PGS1: variants seen among roughly 807,000 people sequenced by gnomAD.
PGS1 encodes CDP-diacylglycerol--glycerol-3-phosphate 3-phosphatidyltransferase, mitochondrial.
Under a neutral mutation model 58.3 loss-of-function variants are expected in PGS1, and 44 were observed. The ratio of observed to expected loss-of-function variants is 0.75; its 90% CI spans 0.59 to 0.97. The LOEUF (loss-of-function observed/expected upper bound fraction) is 0.97, where lower values mean the gene tolerates loss of function less well. Ranked by LOEUF, PGS1 falls within the 50% of genes least tolerant of loss-of-function variation. PGS1 has a pLI of 0.00. For missense variants in PGS1, 684 were observed against 731.1 expected (o/e 0.94, Z 0.74); for synonymous variants, 330 against 311.0 (o/e 1.06, Z -0.64).
intron 7 of PGS1, among the ~76,000 whole-genome samples, chr17:78,411,000 CG>C (rs1567991195): frequency 6.6e-6 from 1 of 152,124 alleles, no homozygotes; most frequent in African/African-American, 2.4e-5. Flanking sequence ...CTACAAATAT[CG>C]GAACGAGCTA....
intron 7 of PGS1, among the ~76,000 whole-genome samples, chr17:78,413,502 C>G (rs566202095): frequency 2.0e-5 from 3 of 152,272 alleles, no homozygotes; most frequent in Admixed American, 2.0e-4. Flanking sequence ...ATCACACCTG[C>G]TTGCTCTTGC....
intron 5 of PGS1, chr17:78,399,972 C>T: frequency 3.9e-6 from 1 of 256,518 alleles, no homozygotes; most frequent in South Asian, 4.4e-5. Flanking sequence ...GCAGTGGGGC[C>T]AGGATTGGGT....
intron 1 of PGS1, among the ~76,000 whole-genome samples, chr17:78,390,172 C>T (rs2082719412): frequency 6.6e-6 from 1 of 151,676 alleles, no homozygotes; most frequent in African/African-American, 2.4e-5. Context: ...GTTTCTGCTG[C>T]ACTGAAGGGT....
chr17:78,423,297 T>G (rs2086102012), intron 9 of PGS1, among the ~76,000 whole-genome samples: 1 of 152,008 alleles, frequency 6.6e-6, no homozygotes, highest in Non-Finnish European at 1.5e-5. Flanking sequence ...GTCCTACAGG[T>G]CCGGGGCTTG....
Position 78,424,325 on chromosome 17 carries a change from T to A in PGS1, c.*275T>A. Reference sequence around the variant, plus strand: ...GCAGAGGCCTTCGTAGGTGATGGCCTGCATGTTGTAACTACCCCGTCCCGC... The same window carrying A: ...GCAGAGGCCTTCGTAGGTGATGGCCAGCATGTTGTAACTACCCCGTCCCGC... On this transcript the variant is annotated 3_prime_UTR_variant, in exon 10 of 10. Coordinates refer to ENST00000262764, the MANE Select transcript of PGS1 (RefSeq NM_024419.5). The A allele has an allele frequency of 1.3e-6, 1 of 760,560 alleles. No individual in the cohort carries two copies. The highest frequency in any genetic ancestry group is 2.0e-5 in the South Asian group (1 of 48,908). 47.1% of individuals were successfully genotyped at this position (760,560 alleles called of 1,614,324 possible).
intron 2 of PGS1, among the ~76,000 whole-genome samples, chr17:78,393,381 G>A (rs963554838): frequency 1.3e-5 from 2 of 152,160 alleles, no homozygotes; most frequent in East Asian, 3.8e-4. Context: ...TCTTATGGGC[G>A]CACTGATTCC....
At position 78,424,054 on chromosome 17, in the gene PGS1, T is replaced by A; in HGVS notation, c.*11-7T>A. On this transcript the variant is annotated splice_region_variant and splice_polypyrimidine_tract_variant and intron_variant, in intron 9 of 9. Transcript: ENST00000262764. Reference sequence around the variant, plus strand: ...ATAGATGTTCTTGGTCTCCATGCGGTCCACAGGAATGGCCTTGATGAAGAT... The same window carrying A: ...ATAGATGTTCTTGGTCTCCATGCGGACCACAGGAATGGCCTTGATGAAGAT... 6.2e-6 allele frequency: 10 copies of A among 1,614,038 alleles called. No individual in the cohort carries two copies. Among genetic ancestry groups the A allele is most frequent in the Non-Finnish European group, 7.6e-6 (9 of 1,179,896 alleles).
intron 8 of PGS1, among the ~76,000 whole-genome samples, chr17:78,417,773 C>T (rs1408457721): frequency 6.6e-6 from 1 of 151,474 alleles, no homozygotes; most frequent in Non-Finnish European, 1.5e-5. Context: ...GCTGGAGACT[C>T]AGTGGAGGAG....
At chr17:78,381,625 T>C (rs988185776) in intron 1 of PGS1, among the ~76,000 whole-genome samples, 15 of 152,202 alleles carry the variant, frequency 9.9e-5, no homozygotes, top group African/African-American at 3.4e-4. Flanking sequence ...TCGCTGATCA[T>C]TGATTCATTG....
At chr17:78,386,092 A>T (rs1368954611) in intron 1 of PGS1, among the ~76,000 whole-genome samples, 1 of 152,192 alleles carries the variant, frequency 6.6e-6, no homozygotes, top group African/African-American at 2.4e-5. Flanking sequence ...TTGCCTGCAG[A>T]TTCCACGGGA....
chr17:78,392,653 C>T lies in PGS1; in HGVS notation c.321C>T (p.Phe107=), dbSNP rs775339034. The T allele has an allele frequency of 1.6e-5, 26 of 1,613,624 alleles. No individual in the cohort carries two copies. The highest frequency in any genetic ancestry group is 1.5e-4 in the Admixed American group (9 of 59,928). Residue 107 remains phenylalanine (F), a synonymous_variant, in exon 2 of 10, where the codon TTC becomes TTT. Transcript: ENST00000262764. ...TGCTTTCTTCCCCGGCAGAGTTTTTCGAGCTCATGAAGGTAAGTGGTATCT... is the reference window on the plus strand; with the variant it reads ...TGCTTTCTTCCCCGGCAGAGTTTTTTGAGCTCATGAAGGTAAGTGGTATCT... ...VRVLSSPAEF[F]ELMKGQIRVA... is the part of the protein sequence containing the mutation.
rs372825702 is a variant in PGS1 at position 78,403,779 on chromosome 17, C to A, written c.1092C>A (p.Ile364=). Residue 364 remains isoleucine, a synonymous_variant, in exon 7 of 10, where the codon ATC becomes ATA. Transcript: ENST00000262764. ...AGATGAAGCCCTTCGAGATTCAAATCGATGAGATTGTCACTGAGACCCTGT... is the reference window on the plus strand; with the variant it reads ...AGATGAAGCCCTTCGAGATTCAAATAGATGAGATTGTCACTGAGACCCTGT... ...LIQMKPFEIQ[I]DEIVTETLLT... is the part of the protein sequence containing the mutation. The A allele has an allele frequency of 9.9e-6, 16 of 1,614,084 alleles. No individual in the cohort carries two copies. The South Asian group carries it at 1.1e-4, about 11-fold the overall frequency.
At chr17:78,423,834 TCACAGGTG>T (rs764239849) in intron 9 of PGS1, 18 of 1,565,560 alleles carry the variant, frequency 1.1e-5, no homozygotes, top group South Asian at 5.8e-5. Context: ...AAAGAATAAG[TCACAGGTG>T]CACAGGTGAA....
intron 3 of PGS1, chr17:78,397,969 T>G: frequency 1.9e-6 from 1 of 528,822 alleles, no homozygotes; most frequent in Non-Finnish European, 3.6e-6. Context: ...TCGTAGCGTT[T>G]CCAGGGTGGC....
chr17:78,424,307 C>G lies in PGS1; in HGVS notation c.*257C>G, dbSNP rs112415080. The G allele has an allele frequency of 1.1e-6, 1 of 928,550 alleles. No homozygotes were observed. The allele number at this position is 928,550 out of a possible 1,614,324, so 57.5% of individuals were successfully genotyped here. A position where few individuals can be genotyped will look rare whatever the true frequency, so the allele number is the denominator to read the frequency against. ...CAGCTGCCACGGCTGGAAGCAGAGG[C>G]CTTCGTAGGTGATGGCCTGCATGTT... On this transcript the variant is annotated 3_prime_UTR_variant, in exon 10 of 10. Coordinates refer to ENST00000262764, the MANE Select transcript of PGS1 (RefSeq NM_024419.5).
Position 78,411,842 on chromosome 17 carries a change from G to A in PGS1, c.1403-3037G>A, listed in dbSNP as rs186263772. Among the ~76,000 whole-genome samples the A allele has an allele frequency of 2.4e-3, 363 of 151,202 alleles. 4 individuals are homozygous for A. Among genetic ancestry groups the A allele is most frequent in the African/African-American group, 8.4e-3 (346 of 41,232 alleles). ...CCTGACTGGTGGTGCGGGTCTGACC[G>A]GAGCTCCAGACCGCTCAGGCCTAGA... On this transcript the variant is annotated intron_variant, in intron 7 of 9. Coordinates refer to ENST00000262764, the MANE Select transcript of PGS1 (RefSeq NM_024419.5).
At chr17:78,402,947 C>T (rs2083809348) in intron 6 of PGS1, among the ~76,000 whole-genome samples, 1 of 152,072 alleles carries the variant, frequency 6.6e-6, no homozygotes, top group South Asian at 2.1e-4. Flanking sequence ...CAAAAGGCAC[C>T]CCATGCAGAG....
intron 6 of PGS1, among the ~76,000 whole-genome samples, chr17:78,402,265 T>G (rs1242014727): frequency 6.6e-6 from 1 of 152,228 alleles, no homozygotes; most frequent in East Asian, 1.9e-4. Context: ...GGGACAGCCC[T>G]CCTTCCCTGT....
At chr17:78,388,496 G>T (rs1053880767) in intron 1 of PGS1, among the ~76,000 whole-genome samples, 1 of 145,352 alleles carries the variant, frequency 6.9e-6, no homozygotes, top group Non-Finnish European at 1.5e-5. Context: ...TCCACGCCTG[G>T]CTAATTTTTT....
Sources: allele counts gnomAD v4.1 joint callset (sites outside exome capture counted in the v4.1 genomes callset), GRCh38; gene constraint gnomAD v4.1.1; transcripts MANE v1.5; gene names NCBI Gene and HGNC (gene_info 2026-07-23, HGNC 2026-07-21).